The following DBF4 variants were observed in gnomAD, a reference collection of about 807,000 sequenced individuals.
DBF4 encodes protein DBF4 homolog A.
In DBF4, 25 loss-of-function variants were observed where a neutral mutation model predicts 76.6. The observed-to-expected ratio is 0.33, with a 90% confidence interval of 0.24 to 0.46. The LOEUF (loss-of-function observed/expected upper bound fraction) is 0.46, where lower values mean the gene tolerates loss of function less well. Ranked by LOEUF, DBF4 falls within the 20% of genes least tolerant of loss-of-function variation. The pLI, the probability that DBF4 is intolerant of heterozygous loss-of-function variation, is 1.00. For synonymous variants in DBF4, 213 were observed against 258.0 expected, an observed-to-expected ratio of 0.83 and a Z score of 1.67; for missense variants, 638 against 760.8, an observed-to-expected ratio of 0.84 and a Z score of 1.90.
intron 8 of DBF4, among the ~76,000 whole-genome samples, chr7:87,897,837 C>G (rs1390938754): frequency 6.6e-6 from 1 of 152,094 alleles, no homozygotes. Flanking sequence ...TGCAGTGGCA[C>G]GATCTCGGCT....
chr7:87,892,814 T>TA, intron 6 of DBF4, among the ~76,000 whole-genome samples: 1 of 152,242 alleles, frequency 6.6e-6, no homozygotes, highest in Non-Finnish European at 1.5e-5. Flanking sequence ...GTTACTTTTA[T>TA]CATTTGTTTC....
intron 6 of DBF4, 31 bp downstream of exon 6, chr7:87,888,090 C>A (rs1489726027): frequency 2.0e-6 from 3 of 1,532,886 alleles, no homozygotes; most frequent in Non-Finnish European, 2.6e-6. Flanking sequence ...TTTAAAGTGA[C>A]CAAGCTTGGT....
At chr7:87,878,023 A>G (rs1462726933) in intron 1 of DBF4, 30 bp from the exon 2 acceptor site, 1 of 1,511,536 alleles carries the variant, frequency 6.6e-7, no homozygotes, top group African/African-American at 1.4e-5. Flanking sequence ...GTGTCTGTGT[A>G]AAACATCTGA....
chr7:87,885,163 G>A lies in DBF4; in HGVS notation c.399+5G>A. 1 of 1,596,784 alleles carries A rather than the reference G, an allele frequency of 6.3e-7. No homozygotes were observed. The highest frequency in any genetic ancestry group is 8.5e-7 in the Non-Finnish European group (1 of 1,171,076). On this transcript the variant is annotated splice_donor_5th_base_variant and intron_variant, in intron 3 of 11. Coordinates refer to ENST00000265728, the MANE Select transcript of DBF4 (RefSeq NM_006716.4). ...TCATTTAAGTCACCAGACACAGTAA[G>A]TCTCTTAAATATGCTTTGAGACTCA...
intron 4 of DBF4, 57 bp downstream of exon 4, chr7:87,886,951 G>T: frequency 1.8e-6 from 2 of 1,125,426 alleles, no homozygotes; most frequent in South Asian, 2.9e-5. Flanking sequence ...AACTCAACTG[G>T]AAATTACAGA....
At chr7:87,900,093 T>G (rs1458202072) in intron 8 of DBF4, 128 bp from the exon 9 acceptor site, 1 of 805,530 alleles carries the variant, frequency 1.2e-6, no homozygotes, top group African/African-American at 1.8e-5. Flanking sequence ...ATTGATTTTT[T>G]GAAGGAAAGC....
intron 5 of DBF4, 153 bp from the exon 6 acceptor site, chr7:87,887,830 A>C (rs1839395224): frequency 2.7e-6 from 2 of 730,738 alleles, no homozygotes; most frequent in African/African-American, 1.9e-5. Flanking sequence ...GTTAAATTTC[A>C]ACATGAGTTT....
intron 2 of DBF4, among the ~76,000 whole-genome samples, chr7:87,882,139 G>A (rs946417618): frequency 2.6e-5 from 4 of 152,126 alleles, no homozygotes; most frequent in African/African-American, 4.8e-5. Flanking sequence ...CAGACATACA[G>A]ACCAATAGAG....
intron 2 of DBF4, among the ~76,000 whole-genome samples, chr7:87,883,439 A>G (rs1839266198): frequency 1.3e-5 from 2 of 152,208 alleles, no homozygotes; most frequent in African/African-American, 4.8e-5. Flanking sequence ...ATTTATCACA[A>G]TAAAAGTGTA....
chr7:87,886,857 G>C lies in DBF4; in HGVS notation c.413G>C (p.Arg138Thr). 6 of 1,568,416 alleles carry C rather than the reference G, an allele frequency of 3.8e-6. No homozygotes were observed. The highest frequency in any genetic ancestry group is 5.2e-6 in the Non-Finnish European group (6 of 1,145,128). ...GTCTTTTTATAGGTGTGTTTAAGCAGAGGAAAATTATTAGTTGAAAAAGCT... is the reference window on the plus strand; with the variant it reads ...GTCTTTTTATAGGTGTGTTTAAGCACAGGAAAATTATTAGTTGAAAAAGCT... ...FKSPDTVCLS[R>T]GKLLVEKAIK... is the part of the protein sequence containing the mutation. Residue 138 changes from arginine to threonine, a missense_variant, in exon 4 of 12, where the codon AGA becomes ACA. Arg to Thr is a moderately conservative substitution (Grantham distance 71). Coordinates refer to ENST00000265728, the MANE Select transcript of DBF4 (RefSeq NM_006716.4).
intron 2 of DBF4, among the ~76,000 whole-genome samples, chr7:87,882,251 G>C (rs1839233844): frequency 6.6e-6 from 1 of 152,132 alleles, no homozygotes; most frequent in Non-Finnish European, 1.5e-5. Context: ...CTTTTCAACA[G>C]CTGGTGCTGG....
chr7:87,878,181 A>G lies in DBF4; in HGVS notation c.175A>G (p.Thr59Ala), dbSNP rs777393190. Residue 59 changes from threonine to alanine, a missense_variant, in exon 2 of 12, where the codon ACC (threonine) becomes GCC (alanine). By Grantham distance (58) the Thr-to-Ala change is moderately conservative. Coordinates refer to ENST00000265728, the MANE Select transcript of DBF4 (RefSeq NM_006716.4). The part of the protein sequence containing the change: ...KVFYLDLPSV[T>A]ISEKLQKDIK... Reference sequence around the variant, plus strand: ...ATTTTACCTTGACTTACCTTCTGTCACCATATCTGAAAAACTTCAAAAGGA... The same window carrying G: ...ATTTTACCTTGACTTACCTTCTGTCGCCATATCTGAAAAACTTCAAAAGGA... 6.2e-7 allele frequency: 1 copy of G among 1,612,944 alleles called. No homozygotes were observed. Among genetic ancestry groups the G allele is most frequent in the South Asian group, 1.1e-5 (1 of 90,786 alleles).
chr7:87,902,965 C>A (rs1839825223), intron 10 of DBF4, among the ~76,000 whole-genome samples: 1 of 152,200 alleles, frequency 6.6e-6, no homozygotes, highest in African/African-American at 2.4e-5. Flanking sequence ...AGCTGACAGA[C>A]AAATAATAAA....
chr7:87,884,693 G>A (rs1367408988), intron 2 of DBF4, among the ~76,000 whole-genome samples: 1 of 152,150 alleles, frequency 6.6e-6, no homozygotes, highest in Non-Finnish European at 1.5e-5. Context: ...GAAAAATACA[G>A]TATAAAAACC....
chr7:87,892,549 C>T (rs1345192302), intron 6 of DBF4, among the ~76,000 whole-genome samples: 3 of 152,270 alleles, frequency 2.0e-5, no homozygotes, highest in South Asian at 2.1e-4. Context: ...TAAATATCCA[C>T]GTGCAGGGTT....
rs201254970 is a variant in DBF4 at position 87,900,360 on chromosome 7, A to G, written c.809+11A>G. ...TCAGGTTAAACTAAGGTTGGTTTGAATCTTTACTTTTAGAAGGAATATTCA... is the reference window on the plus strand; with the variant it reads ...TCAGGTTAAACTAAGGTTGGTTTGAGTCTTTACTTTTAGAAGGAATATTCA... On this transcript the variant is annotated intron_variant, in intron 9 of 11. Coordinates refer to ENST00000265728, the MANE Select transcript of DBF4 (RefSeq NM_006716.4). The G allele has an allele frequency of 1.2e-4, 194 of 1,579,686 alleles. No homozygotes were observed. The highest frequency in any genetic ancestry group is 1.6e-4 in the Non-Finnish European group (186 of 1,170,634).
At chr7:87,899,077 C>T (rs77994224) in intron 8 of DBF4, among the ~76,000 whole-genome samples, 7 of 152,216 alleles carry the variant, frequency 4.6e-5, no homozygotes, top group Non-Finnish European at 1.0e-4. Flanking sequence ...TACCTCACAT[C>T]ATGTTCAAAA....
intron 2 of DBF4, among the ~76,000 whole-genome samples, chr7:87,882,279 A>G (rs1015673693): frequency 2.0e-5 from 3 of 152,238 alleles, no homozygotes; most frequent in Non-Finnish European, 4.4e-5. Flanking sequence ...GGATATCTAC[A>G]TGCAGAAAAA....
intron 10 of DBF4, among the ~76,000 whole-genome samples, chr7:87,903,809 C>G (rs1839849597): frequency 6.6e-6 from 1 of 151,318 alleles, no homozygotes; most frequent in Non-Finnish European, 1.5e-5. Context: ...ATTCTTCTGC[C>G]TCAGCCTCCC....
Sources: allele counts gnomAD v4.1 joint callset (sites outside exome capture counted in the v4.1 genomes callset), GRCh38; gene constraint gnomAD v4.1.1; transcripts MANE v1.5; gene names NCBI Gene and HGNC (gene_info 2026-07-23, HGNC 2026-07-21).